The following TTBK2 variants were observed in gnomAD, a reference collection of about 807,000 sequenced individuals.
TTBK2 encodes tau-tubulin kinase 2.
TTBK2 carries 28 observed loss-of-function variants against 110.8 expected under a neutral mutation model. The ratio of observed to expected loss-of-function variants is 0.25; its 90% CI spans 0.19 to 0.35. The LOEUF (loss-of-function observed/expected upper bound fraction) is 0.35. TTBK2 is among the 10% of genes least tolerant of loss of function. The pLI, the probability that TTBK2 is intolerant of heterozygous loss-of-function variation, is 1.00. For missense variants in TTBK2, 1,369 were observed against 1,500.3 expected (o/e 0.91, Z 1.45); for synonymous variants, 532 against 527.3 (o/e 1.01, Z -0.12).
chr15:42,756,342 T>C (rs1363977983), intron 13 of TTBK2, among the ~76,000 whole-genome samples: 1 of 151,706 alleles, frequency 6.6e-6, no homozygotes. Context: ...TCCCAGCACT[T>C]TGGGAGGCTG....
In TTBK2 at chr15:42,740,964, A is replaced by G. The variant is rs1345306768; in HGVS notation, c.*4831T>C. The G allele has an allele frequency of 6.6e-6, 1 of 152,258 alleles. No individual in the cohort carries two copies. The highest frequency in any genetic ancestry group is 2.4e-5 in the African/African-American group (1 of 41,462). The allele number at this position is 152,258 out of a possible 1,614,324, so 9.4% of individuals were successfully genotyped here. ...GGGATTTCTCAGAATTGAGGTGTGC[A>G]GCATCCAGATTCCCCTTTATGTGGA... On this transcript the variant is annotated 3_prime_UTR_variant, in exon 15 of 15. Coordinates refer to ENST00000267890, the MANE Select transcript of TTBK2 (RefSeq NM_173500.4).
intron 5 of TTBK2, among the ~76,000 whole-genome samples, chr15:42,828,360 T>G (rs1463011540): frequency 1.4e-5 from 2 of 147,032 alleles, no homozygotes; most frequent in Non-Finnish European, 3.0e-5. Flanking sequence ...CCCTACTTTT[T>G]AAAATAGGAG....
At chr15:42,785,578 A>G (rs1245674139) in intron 10 of TTBK2, among the ~76,000 whole-genome samples, 1 of 152,058 alleles carries the variant, frequency 6.6e-6, no homozygotes, top group Admixed American at 6.5e-5. Flanking sequence ...AGCAAATATT[A>G]ATTGGTATTT....
intron 6 of TTBK2, among the ~76,000 whole-genome samples, chr15:42,825,927 G>C (rs16957205): frequency 6.6e-6 from 1 of 151,706 alleles, no homozygotes; most frequent in Non-Finnish European, 1.5e-5. Context: ...CTTCTAAGAC[G>C]GTAACATGCC....
intron 6 of TTBK2, among the ~76,000 whole-genome samples, chr15:42,825,762 G>A (rs1438849209): frequency 6.6e-6 from 1 of 152,062 alleles, no homozygotes; most frequent in Non-Finnish European, 1.5e-5. Context: ...CATTTGCTCT[G>A]GCTACAATCC....
intron 1 of TTBK2, among the ~76,000 whole-genome samples, chr15:42,884,173 C>A (rs1433605229): frequency 2.0e-5 from 3 of 152,094 alleles, no homozygotes; most frequent in Non-Finnish European, 4.4e-5. Flanking sequence ...CTGGAGTAGA[C>A]AAATCCATAG....
chr15:42,815,310 C>T (rs1457284093), intron 7 of TTBK2, among the ~76,000 whole-genome samples: 1 of 151,896 alleles, frequency 6.6e-6, no homozygotes, highest in Non-Finnish European at 1.5e-5. Flanking sequence ...TTTATAATCA[C>T]GCCATAAGAA....
At chr15:42,843,875 A>G (rs2141024903) in intron 3 of TTBK2, among the ~76,000 whole-genome samples, 1 of 151,854 alleles carries the variant, frequency 6.6e-6, no homozygotes, top group Admixed American at 6.6e-5. Context: ...ACCAACTGAC[A>G]CCACCCAGGC....
intron 3 of TTBK2, among the ~76,000 whole-genome samples, chr15:42,858,038 A>C (rs1894013725): frequency 6.6e-6 from 1 of 152,044 alleles, no homozygotes; most frequent in Admixed American, 6.6e-5. Context: ...AGCCGAGCTC[A>C]CAGTCCAGCG....
chr15:42,762,266 T>C (rs1334071441), intron 13 of TTBK2, among the ~76,000 whole-genome samples: 3 of 152,186 alleles, frequency 2.0e-5, no homozygotes, highest in African/African-American at 4.8e-5. Flanking sequence ...CTCAAAAAAC[T>C]ACAAATAGAA....
chr15:42,794,497 C>T, intron 10 of TTBK2, 147 bp downstream of exon 10: 1 of 1,099,298 alleles, frequency 9.1e-7, no homozygotes, highest in Non-Finnish European at 1.4e-6. Context: ...CAAAGGCGTA[C>T]ATAAGAGCAA....
intron 3 of TTBK2, among the ~76,000 whole-genome samples, chr15:42,868,149 T>C (rs1051134542): frequency 6.6e-6 from 1 of 152,162 alleles, no homozygotes; most frequent in Non-Finnish European, 1.5e-5. Context: ...AGAGGATTTT[T>C]AGGGCAGTAA....
At chr15:42,769,572 C>T (rs1013918503) in intron 13 of TTBK2, among the ~76,000 whole-genome samples, 3 of 152,100 alleles carry the variant, frequency 2.0e-5, no homozygotes, top group Non-Finnish European at 2.9e-5. Flanking sequence ...CCATCTCACA[C>T]CAGTTAGAAT....
intron 6 of TTBK2, among the ~76,000 whole-genome samples, chr15:42,827,493 A>T (rs1158076237): frequency 1.3e-5 from 2 of 152,228 alleles, no homozygotes; most frequent in Non-Finnish European, 2.9e-5. Flanking sequence ...ATTTCAAAGT[A>T]GCCATTATAG....
intron 1 of TTBK2, among the ~76,000 whole-genome samples, chr15:42,895,707 T>C (rs1273331433): frequency 1.3e-5 from 2 of 151,734 alleles, no homozygotes; most frequent in Admixed American, 1.3e-4. Context: ...CCAGCTAATT[T>C]TTTGTATTTT....
At chr15:42,830,737 G>A (rs1300886698) in intron 4 of TTBK2, among the ~76,000 whole-genome samples, 1 of 151,642 alleles carries the variant, frequency 6.6e-6, no homozygotes, top group African/African-American at 2.4e-5. Flanking sequence ...CAGGAGCAGT[G>A]GCTCACGCCT....
intron 13 of TTBK2, among the ~76,000 whole-genome samples, chr15:42,772,351 C>T (rs1471733667): frequency 6.6e-6 from 1 of 152,114 alleles, no homozygotes; most frequent in Non-Finnish European, 1.5e-5. Context: ...GGAACTGAGG[C>T]CTGCCAACAG....
intron 10 of TTBK2, among the ~76,000 whole-genome samples, chr15:42,793,326 A>G (rs1890780896): frequency 6.6e-6 from 1 of 152,214 alleles, no homozygotes; most frequent in Non-Finnish European, 1.5e-5. Flanking sequence ...GATACTATCC[A>G]GTTATGTGAG....
At chr15:42,879,226 T>C (rs1007399057) in intron 1 of TTBK2, among the ~76,000 whole-genome samples, 15 of 151,964 alleles carry the variant, frequency 9.9e-5, no homozygotes, top group Non-Finnish European at 2.9e-5. Context: ...AAAATGAAGA[T>C]ATAGCAGAAA....
Sources: allele counts gnomAD v4.1 joint callset (sites outside exome capture counted in the v4.1 genomes callset), GRCh38; gene constraint gnomAD v4.1.1; transcripts MANE v1.5; gene names NCBI Gene and HGNC (gene_info 2026-07-23, HGNC 2026-07-21).